The following ING3 variants were observed in gnomAD, a reference collection of about 807,000 sequenced individuals.
ING3 encodes inhibitor of growth family member 3.
Under a neutral mutation model 64.8 loss-of-function variants are expected in ING3, and 6 were observed. The observed-to-expected ratio is 0.09, with a 90% CI of 0.05 to 0.18. The LOEUF (loss-of-function observed/expected upper bound fraction) is 0.18. ING3 is among the 10% of genes least tolerant of loss of function. The pLI, the probability that ING3 is intolerant of heterozygous loss-of-function variation, is 1.00. For missense variants in ING3, 310 were observed against 489.7 expected (o/e 0.63, Z 3.46); for synonymous variants, 170 against 173.7 (o/e 0.98, Z 0.17).
chr7:120,969,285 T>C, intron 9 of ING3, 81 bp downstream of exon 9: 1 of 1,086,564 alleles, frequency 9.2e-7, no homozygotes, highest in Non-Finnish European at 1.3e-6. Context: ...CTCTCTATGT[T>C]AAAGGCAGGA....
intron 4 of ING3, among the ~76,000 whole-genome samples, chr7:120,963,133 G>C (rs542096546): frequency 6.6e-6 from 1 of 152,200 alleles, no homozygotes; most frequent in East Asian, 1.9e-4. Context: ...CAATGAAAGA[G>C]GTATGCTCAA....
intron 4 of ING3, among the ~76,000 whole-genome samples, chr7:120,962,860 G>A (rs1260300964): frequency 6.6e-6 from 1 of 151,948 alleles, no homozygotes; most frequent in Non-Finnish European, 1.5e-5. Flanking sequence ...GTGACATCTA[G>A]ACTATATTTT....
intron 2 of ING3, 138 bp downstream of exon 2, chr7:120,951,373 C>T (rs1289891514): frequency 1.3e-6 from 1 of 761,720 alleles, no homozygotes; most frequent in Non-Finnish European, 2.2e-6. Context: ...TCAAAAAGAA[C>T]TGGCAGCCCT....
chr7:120,952,469 C>T (rs1319682665), intron 2 of ING3, among the ~76,000 whole-genome samples: 2 of 152,068 alleles, frequency 1.3e-5, no homozygotes, highest in Non-Finnish European at 2.9e-5. Context: ...ATTTTAAATT[C>T]TCTTGTAATT....
At chr7:120,973,124 A>G (rs1796090680) in intron 10 of ING3, 81 bp from the exon 11 acceptor site, 1 of 747,806 alleles carries the variant, frequency 1.3e-6, no homozygotes, top group Non-Finnish European at 2.4e-6. Context: ...ATTTTCCAGC[A>G]GTATCATACA....
At chr7:120,963,290 T>C (rs1795956710) in intron 4 of ING3, among the ~76,000 whole-genome samples, 1 of 152,058 alleles carries the variant, frequency 6.6e-6, no homozygotes, top group Non-Finnish European at 1.5e-5. Context: ...TGAAAAGTAA[T>C]GTGTGTGTAA....
At chr7:120,966,804 C>T in intron 6 of ING3, 107 bp downstream of exon 6, 2 of 836,218 alleles carry the variant, frequency 2.4e-6, no homozygotes, top group Non-Finnish European at 4.0e-6. Context: ...GAAATAAATC[C>T]CTTCTTTTTT....
chr7:120,951,094 A>G (rs573544219), intron 1 of ING3, 70 bp from the exon 2 acceptor site: 2 of 1,571,910 alleles, frequency 1.3e-6, no homozygotes, highest in East Asian at 2.2e-5. Flanking sequence ...CCCCTGACGC[A>G]CGCGCGCAGT....
chr7:120,950,957 G>T, intron 1 of ING3, 33 bp downstream of exon 1: 1 of 1,612,514 alleles, frequency 6.2e-7, no homozygotes, highest in Non-Finnish European at 8.5e-7. Context: ...GGCCGCCAGT[G>T]GGACGTGCGG....
At chr7:120,964,933 C>A in intron 5 of ING3, 95 bp downstream of exon 5, 1 of 954,504 alleles carries the variant, frequency 1.0e-6, no homozygotes. Flanking sequence ...AAATCCTGCC[C>A]TTCAATGGAT....
intron 4 of ING3, chr7:120,956,831 G>A (rs1795855337): frequency 1.0e-6 from 1 of 969,064 alleles, no homozygotes; most frequent in African/African-American, 1.8e-5. Context: ...TCCTTATTTA[G>A]AGACTGCCTG....
At chr7:120,951,099 C>A (rs1045688417) in intron 1 of ING3, 65 bp from the exon 2 acceptor site, 4 of 1,573,476 alleles carry the variant, frequency 2.5e-6, no homozygotes, top group East Asian at 4.5e-5. Context: ...GACGCACGCG[C>A]GCAGTGACGT....
intron 4 of ING3, among the ~76,000 whole-genome samples, chr7:120,960,316 C>G (rs946744062): frequency 2.0e-5 from 3 of 152,046 alleles, no homozygotes; most frequent in African/African-American, 7.2e-5. Flanking sequence ...GCGAGCCAGT[C>G]TAGGAGGAGA....
rs1243446905 is a variant in ING3 at position 120,975,734 on chromosome 7, A to AAT, written c.*890_*891insAT. On this transcript the variant is annotated 3_prime_UTR_variant, in exon 12 of 12. Transcript: ENST00000315870. Reference sequence around the variant, plus strand: ...AACTTTCAACTTTCATAATCTAAAAAGAATCAGAGACCCAGGACACAGAAT... The same window carrying AAT: ...AACTTTCAACTTTCATAATCTAAAAAATGAATCAGAGACCCAGGACACAGAAT... 1.3e-5 allele frequency: 2 copies of AAT among 152,186 alleles called. No individual in the cohort carries two copies. The highest frequency in any genetic ancestry group is 2.9e-5 in the Non-Finnish European group (2 of 68,024). The allele number at this position is 152,186 out of a possible 1,614,324, so 9.4% of individuals were successfully genotyped here.
chr7:120,970,568 C>A, intron 9 of ING3, 120 bp from the exon 10 acceptor site: 1 of 1,019,896 alleles, frequency 9.8e-7, no homozygotes, highest in Non-Finnish European at 1.4e-6. Flanking sequence ...ATCCGGATTA[C>A]TTTAGCTTAC....
chr7:120,969,526 T>A (rs1796040570), intron 9 of ING3, among the ~76,000 whole-genome samples: 1 of 152,188 alleles, frequency 6.6e-6, no homozygotes, highest in Non-Finnish European at 1.5e-5. Flanking sequence ...TTTTGCCATG[T>A]GTTTCAAGGT....
intron 4 of ING3, among the ~76,000 whole-genome samples, chr7:120,957,797 A>C (rs1795873020): frequency 6.6e-6 from 1 of 152,242 alleles, no homozygotes; most frequent in Non-Finnish European, 1.5e-5. Context: ...AACAGAAAGC[A>C]AGTGTCCATA....
intron 4 of ING3, 40 bp from the exon 5 acceptor site, chr7:120,964,702 C>A: frequency 1.3e-6 from 2 of 1,544,862 alleles, no homozygotes; most frequent in South Asian, 1.1e-5. Context: ...TTAACAGTGT[C>A]CCAAATTTTG....
rs1250869617 is a variant in ING3 at position 120,971,039 on chromosome 7, C to T, written c.1101+159C>T. The T allele has an allele frequency of 4.9e-6, 4 of 808,572 alleles. No homozygotes were observed. The African/African-American group carries it at 6.9e-5, about 14-fold the overall frequency. 50.1% of individuals were successfully genotyped at this position (808,572 alleles called of 1,614,324 possible). Reference sequence around the variant, plus strand: ...ACAAAAGTGACATTTGCTGTAAATACTGAGTATAAAGAAAAATGTTACCCA... The same window carrying T: ...ACAAAAGTGACATTTGCTGTAAATATTGAGTATAAAGAAAAATGTTACCCA... On this transcript the variant is annotated intron_variant, in intron 10 of 11. Coordinates refer to ENST00000315870, the MANE Select transcript of ING3 (RefSeq NM_019071.3).
Sources: allele counts gnomAD v4.1 joint callset (sites outside exome capture counted in the v4.1 genomes callset), GRCh38; gene constraint gnomAD v4.1.1; transcripts MANE v1.5; gene names NCBI Gene and HGNC (gene_info 2026-07-23, HGNC 2026-07-21).